DRC11L: variants seen among roughly 807,000 people sequenced by gnomAD.
DRC11L encodes dynein regulatory complex subunit 11 like.
the DRC11L span, chr7:151,203,505 C>T: frequency 5.0e-6 from 2 of 398,960 alleles, no homozygotes; most frequent in African/African-American, 4.1e-5. Context: ...ATTGGAACCT[C>T]CAGGTCAGCC....
At chr7:151,202,004 G>A in the DRC11L span, among the ~76,000 whole-genome samples, 1 of 152,226 alleles carries the variant, frequency 6.6e-6, no homozygotes, top group Non-Finnish European at 1.5e-5. Flanking sequence ...GACCCAGAGA[G>A]GTGCAGAGTG....
At chr7:151,194,626 C>CCA in the DRC11L span, 1 of 399,146 alleles carries the variant, frequency 2.5e-6, no homozygotes, top group African/African-American at 2.1e-5. Flanking sequence ...AGGAAGACCC[C>CCA]CACCACCACA....
chr7:151,199,073 C>T, the DRC11L span: 2 of 398,394 alleles, frequency 5.0e-6, no homozygotes, highest in Non-Finnish European at 8.8e-6. The surrounding 1 kb of genome is among the most constrained non-coding windows in gnomAD (Gnocchi z 5.2). Flanking sequence ...GGATGCAGCC[C>T]CCAGCCTCGG....
chr7:151,190,919 T>C, the DRC11L span: 1 of 399,416 alleles, frequency 2.5e-6, no homozygotes, highest in Non-Finnish European at 4.4e-6. Context: ...CCCATCCCTT[T>C]ACCCTTGGGC....
At chr7:151,202,075 A>T in the DRC11L span, among the ~76,000 whole-genome samples, 2 of 152,224 alleles carry the variant, frequency 1.3e-5, no homozygotes, top group Non-Finnish European at 2.9e-5. Context: ...GGGGAACCTT[A>T]GGGCAGAGAA....
the DRC11L span, chr7:151,196,396 G>A: frequency 7.5e-6 from 3 of 399,064 alleles, no homozygotes; most frequent in Non-Finnish European, 1.3e-5. Context: ...TGGGTTATGG[G>A]GGAGGGTACA....
chr7:151,200,552 T>G, the DRC11L span: 1 of 398,398 alleles, frequency 2.5e-6, no homozygotes, highest in Non-Finnish European at 4.4e-6. Context: ...AGGGTCACAC[T>G]AGAGATTTCC....
the DRC11L span, among the ~76,000 whole-genome samples, chr7:151,203,929 G>A: frequency 2.0e-5 from 3 of 152,224 alleles, no homozygotes; most frequent in African/African-American, 7.2e-5. Flanking sequence ...TGGATATGAA[G>A]CAGTTACTGA....
chr7:151,192,003 T>G, the DRC11L span: 89 of 398,082 alleles, frequency 2.2e-4, 1 homozygote, highest in Non-Finnish European at 3.4e-4. Context: ...TCCACATCCA[T>G]CAGCTCCCCT....
chr7:151,194,295 T>C, the DRC11L span: 2 of 399,052 alleles, frequency 5.0e-6, no homozygotes, highest in African/African-American at 4.1e-5. Flanking sequence ...TTCTGTCGTA[T>C]GTCAAACAGG....
chr7:151,204,344 T>A, the DRC11L span, among the ~76,000 whole-genome samples: 2 of 152,148 alleles, frequency 1.3e-5, no homozygotes, highest in African/African-American at 4.8e-5. Context: ...GGGATATCCG[T>A]GGGGTGGCGG....
At chr7:151,198,099 T>C in the DRC11L span, among the ~76,000 whole-genome samples, 1 of 148,780 alleles carries the variant, frequency 6.7e-6, no homozygotes, top group Non-Finnish European at 1.5e-5. Context: ...GAGAGGTGGG[T>C]AGAAGGGTGG....
the DRC11L span, chr7:151,197,452 C>T: frequency 7.5e-4 from 299 of 397,692 alleles, no homozygotes; most frequent in Middle Eastern, 1.3e-3. Flanking sequence ...GGTGAACCAA[C>T]GATTCCCTAG....
At chr7:151,194,694 A>T in the DRC11L span, 5 of 397,510 alleles carry the variant, frequency 1.3e-5, no homozygotes, top group Non-Finnish European at 2.2e-5. Flanking sequence ...GGCTGTTGTC[A>T]TGAAGACAGG....
At chr7:151,198,167 T>C in the DRC11L span, among the ~76,000 whole-genome samples, 1 of 142,176 alleles carries the variant, frequency 7.0e-6, no homozygotes, top group African/African-American at 2.7e-5. Context: ...GGTGGGTAGA[T>C]GTGTGGATGG....
the DRC11L span, chr7:151,193,270 CA>C: frequency 2.5e-6 from 1 of 399,356 alleles, no homozygotes; most frequent in Non-Finnish European, 4.4e-6. Context: ...CCGCAAATGC[CA>C]AAAGCTGGGG....
chr7:151,197,485 G>A, the DRC11L span, among the ~76,000 whole-genome samples: 2 of 152,100 alleles, frequency 1.3e-5, no homozygotes, highest in Non-Finnish European at 2.9e-5. Flanking sequence ...TGATGGGGTC[G>A]GGACAGCTGA....
the DRC11L span, among the ~76,000 whole-genome samples, chr7:151,200,115 G>A: frequency 6.6e-6 from 1 of 152,210 alleles, no homozygotes; most frequent in Non-Finnish European, 1.5e-5. Context: ...TGGGAACATG[G>A]GGTCCAGGAT....
At chr7:151,192,178 G>A in the DRC11L span, 4 of 398,210 alleles carry the variant, frequency 1.0e-5, no homozygotes, top group Admixed American at 4.4e-5. Flanking sequence ...CCAGAAGACC[G>A]GGCTGTGGGG....
Sources: allele counts gnomAD v4.1 joint callset (sites outside exome capture counted in the v4.1 genomes callset), GRCh38; gene constraint gnomAD v4.1.1; non-coding constraint Gnocchi (gnomAD v3.1); transcripts MANE v1.5; gene names NCBI Gene and HGNC (gene_info 2026-07-23, HGNC 2026-07-21).